LRRTM3: variants seen among roughly 807,000 people sequenced by gnomAD.
LRRTM3 encodes the protein leucine rich repeat transmembrane neuronal 3, also known as leucine-rich repeat transmembrane neuronal protein 3.
Under a neutral mutation model 44.7 loss-of-function variants are expected in LRRTM3, and 24 were observed. The ratio of observed to expected loss-of-function variants is 0.54; its 90% CI spans 0.39 to 0.76. The LOEUF (loss-of-function observed/expected upper bound fraction) is 0.76, where lower values mean the gene tolerates loss of function less well. Among genes scored for constraint, LRRTM3 ranks in the 30% least tolerant of loss-of-function variants. The pLI is 0.00. For missense variants in LRRTM3, 587 were observed against 702.2 expected (o/e 0.84, Z 1.85); for synonymous variants, 277 against 278.7 (o/e 0.99, Z 0.06).
At chr10:67,084,021 C>T (rs1013149083) in intron 2 of LRRTM3, among the ~76,000 whole-genome samples, 17 of 152,084 alleles carry the variant, frequency 1.1e-4, no homozygotes, top group African/African-American at 4.1e-4. Flanking sequence ...GGAAGAGGTT[C>T]GTTGCTTTGC....
chr10:67,040,815 G>A (rs932164137), intron 2 of LRRTM3, among the ~76,000 whole-genome samples: 1 of 152,182 alleles, frequency 6.6e-6, no homozygotes, highest in African/African-American at 2.4e-5. Flanking sequence ...ACCACATGAT[G>A]TTAAATTATA....
At chr10:66,992,977 G>T (rs1384427826) in intron 2 of LRRTM3, among the ~76,000 whole-genome samples, 1 of 152,014 alleles carries the variant, frequency 6.6e-6, no homozygotes. Flanking sequence ...TGGTGTTTCA[G>T]TTATTTATTG....
chr10:66,966,323 T>A (rs554815681), intron 2 of LRRTM3, among the ~76,000 whole-genome samples: 19 of 152,150 alleles, frequency 1.2e-4, no homozygotes, highest in Non-Finnish European at 1.8e-4. Flanking sequence ...TCATTTTTGA[T>A]GTACAGAATT....
At chr10:67,084,400 A>G (rs1857198769) in intron 2 of LRRTM3, among the ~76,000 whole-genome samples, 1 of 152,020 alleles carries the variant, frequency 6.6e-6, no homozygotes, top group African/African-American at 2.4e-5. Flanking sequence ...GACTATCACA[A>G]CATCATGAAT....
chr10:66,940,701 G>A (rs541239504), intron 2 of LRRTM3, among the ~76,000 whole-genome samples: 1 of 152,128 alleles, frequency 6.6e-6, no homozygotes, highest in East Asian at 1.9e-4. Flanking sequence ...TTAAGATCCA[G>A]CAGTGTGTTG....
chr10:66,962,361 G>A (rs960993312), intron 2 of LRRTM3, among the ~76,000 whole-genome samples: 2 of 151,614 alleles, frequency 1.3e-5, no homozygotes, highest in African/African-American at 4.8e-5. Context: ...TGCCCCAAAT[G>A]TCTGCCTCCT....
chr10:67,061,781 A>G (rs1855769187), intron 2 of LRRTM3, among the ~76,000 whole-genome samples: 3 of 152,190 alleles, frequency 2.0e-5, no homozygotes, highest in Non-Finnish European at 4.4e-5. Context: ...AATCCTTAAT[A>G]AGAAAGGACA....
At chr10:67,097,460 C>T (rs750378875) in intron 2 of LRRTM3, 127 bp from the exon 3 acceptor site, 2 of 730,190 alleles carry the variant, frequency 2.7e-6, no homozygotes, top group Non-Finnish European at 4.6e-6. Context: ...AATATAGGGA[C>T]ACCTGGGCCA....
In LRRTM3 at chr10:66,927,693, T is replaced by C. The variant is rs745726097; in HGVS notation, c.777T>C (p.Asp259=). The C allele has an allele frequency of 8.1e-6, 13 of 1,614,170 alleles. No individual in the cohort carries two copies. In the East Asian group the frequency reaches 2.9e-4, roughly 36 times the overall value. The change falls in exon 2 of 3, where the codon GAT becomes GAC. Residue 259 remains aspartate, a synonymous_variant. Coordinates refer to ENST00000361320, the MANE Select transcript of LRRTM3 (RefSeq NM_178011.5). The surrounding 1 kb of genome is among the most constrained non-coding windows in gnomAD (Gnocchi z 4.7). ...CCTGGAGCTCCTTACAAAGGCTTGA[T>C]TTATCAGGCAATGAGATCGAAGCTT... ...SWTWSSLQRL[D]LSGNEIEAFS... is the part of the protein sequence containing the mutation.
chr10:66,971,268 A>C (rs1215311843), intron 2 of LRRTM3, among the ~76,000 whole-genome samples: 1 of 152,102 alleles, frequency 6.6e-6, no homozygotes, highest in Non-Finnish European at 1.5e-5. Flanking sequence ...TCTACTAAAA[A>C]TACAAAAATT....
intron 2 of LRRTM3, among the ~76,000 whole-genome samples, chr10:66,987,143 C>T (rs1024594187): frequency 6.6e-6 from 1 of 152,090 alleles, no homozygotes; most frequent in Non-Finnish European, 1.5e-5. Context: ...GAGCCACGTG[C>T]GTAGGTTTTG....
chr10:66,934,370 C>T (rs1325362234), intron 2 of LRRTM3, among the ~76,000 whole-genome samples: 3 of 151,968 alleles, frequency 2.0e-5, no homozygotes, highest in African/African-American at 7.2e-5. Flanking sequence ...TCTGTAATTC[C>T]TATATCACCA....
chr10:67,026,777 T>A (rs528648674), intron 2 of LRRTM3, among the ~76,000 whole-genome samples: 53 of 152,322 alleles, frequency 3.5e-4, no homozygotes, highest in African/African-American at 1.3e-3. Flanking sequence ...TTGATTGACA[T>A]AAGGAGAGAT....
At chr10:67,057,748 T>C (rs1855525530) in intron 2 of LRRTM3, among the ~76,000 whole-genome samples, 1 of 152,106 alleles carries the variant, frequency 6.6e-6, no homozygotes, top group Non-Finnish European at 1.5e-5. Context: ...GAGCTTCTTC[T>C]TCACTCTCTC....
In LRRTM3 at chr10:66,929,919, C is replaced by A. The variant is rs572983495; in HGVS notation, c.1536+1467C>A. Among the ~76,000 whole-genome samples the A allele has an allele frequency of 1.4e-4, 22 of 152,230 alleles. No individual in the cohort carries two copies. In the South Asian group the frequency reaches 4.6e-3, roughly 32 times the overall value. The stretch of plus-strand genomic sequence containing the variant: ...AAAATGAACAGTTCTATTATAGAAG[C>A]AAATATCAGGAACTGCAACATTGAG... On this transcript the variant is annotated intron_variant, in intron 2 of 2. Coordinates refer to ENST00000361320, the MANE Select transcript of LRRTM3 (RefSeq NM_178011.5).
chr10:67,093,730 T>C (rs887050416), intron 2 of LRRTM3, among the ~76,000 whole-genome samples: 1 of 152,030 alleles, frequency 6.6e-6, no homozygotes, highest in Admixed American at 6.6e-5. Flanking sequence ...ATCAGGTATT[T>C]ACCCTGGTGT....
intron 2 of LRRTM3, among the ~76,000 whole-genome samples, chr10:66,938,414 G>T (rs893782768): frequency 6.6e-6 from 1 of 151,942 alleles, no homozygotes; most frequent in Non-Finnish European, 1.5e-5. Context: ...ATCTTATTCT[G>T]TATTTTATAA....
chr10:66,970,464 T>C (rs944883879), intron 2 of LRRTM3, among the ~76,000 whole-genome samples: 6 of 142,866 alleles, frequency 4.2e-5, no homozygotes, highest in African/African-American at 1.5e-4. Context: ...AGGTAACTGG[T>C]AGCCAGAAAT....
chr10:67,067,852 G>A lies in LRRTM3; in HGVS notation c.1537-29735G>A, dbSNP rs1856187881. Among the ~76,000 whole-genome samples, 6 of 152,320 alleles carry A rather than the reference G, an allele frequency of 3.9e-5. No individual in the cohort carries two copies. The South Asian group carries it at 1.2e-3, about 32-fold the overall frequency. ...TCTCAGTCTCATGAATAAATGCAATGAAATATGACAAACGCTTGGCTGAAA... is the reference window on the plus strand; with the variant it reads ...TCTCAGTCTCATGAATAAATGCAATAAAATATGACAAACGCTTGGCTGAAA... On this transcript the variant is annotated intron_variant, in intron 2 of 2. Coordinates refer to ENST00000361320, the MANE Select transcript of LRRTM3 (RefSeq NM_178011.5).
Sources: gnomAD v4.1 joint callset for allele counts (sites outside exome capture counted in the v4.1 genomes callset) on GRCh38, gnomAD v4.1.1 for gene constraint, Gnocchi (gnomAD v3.1) non-coding constraint, MANE v1.5 for transcripts, NCBI Gene and HGNC (gene_info 2026-07-23, HGNC 2026-07-21) for gene names.